CDS1: variants seen among roughly 807,000 people sequenced by gnomAD.
The protein encoded by CDS1 is CDP-diacylglycerol synthase 1.
In CDS1, 41 loss-of-function variants were observed where a neutral mutation model predicts 62.1. That is an observed-to-expected ratio of 0.66 (90% confidence interval 0.51 to 0.86). The LOEUF (loss-of-function observed/expected upper bound fraction) is 0.86, where lower values mean the gene tolerates loss of function less well. Ranked by LOEUF, CDS1 falls within the 40% of genes least tolerant of loss-of-function variation. CDS1 has a pLI of 0.00. For synonymous variants in CDS1, 185 were observed against 192.6 expected (o/e 0.96, Z 0.32); for missense variants, 470 against 550.1 (o/e 0.85, Z 1.46).
At chr4:84,636,305 A>G (rs1397716110) in intron 8 of CDS1, among the ~76,000 whole-genome samples, 1 of 152,168 alleles carries the variant, frequency 6.6e-6, no homozygotes, top group African/African-American at 2.4e-5. Flanking sequence ...ATAAAATACT[A>G]ATAAAATACA....
intron 1 of CDS1, among the ~76,000 whole-genome samples, chr4:84,595,615 A>G (rs1381748112): frequency 1.3e-5 from 2 of 152,242 alleles, no homozygotes; most frequent in African/African-American, 4.8e-5. Flanking sequence ...GGCCAACCGT[A>G]CTTGTTTCTC....
intron 1 of CDS1, among the ~76,000 whole-genome samples, chr4:84,594,607 C>T (rs1319707591): frequency 6.6e-6 from 1 of 152,026 alleles, no homozygotes; most frequent in African/African-American, 2.4e-5. Flanking sequence ...TCCTGAGTCT[C>T]AATATTAGTT....
intron 5 of CDS1, among the ~76,000 whole-genome samples, chr4:84,621,159 A>AT (rs1022509288): frequency 1.3e-5 from 2 of 152,034 alleles, no homozygotes; most frequent in African/African-American, 4.8e-5. Flanking sequence ...CACTACTTAA[A>AT]TTTTTTTTAT....
At chr4:84,610,819 C>A (rs2110053765) in intron 3 of CDS1, among the ~76,000 whole-genome samples, 1 of 152,202 alleles carries the variant, frequency 6.6e-6, no homozygotes, top group South Asian at 2.1e-4. Flanking sequence ...ATAGGCTATA[C>A]CATATAGACT....
chr4:84,584,010 T>C (rs575266328), intron 1 of CDS1, among the ~76,000 whole-genome samples: 2 of 152,290 alleles, frequency 1.3e-5, no homozygotes, highest in South Asian at 4.1e-4. Flanking sequence ...ACTTACATTT[T>C]CTCCATCCTT....
chr4:84,586,413 G>T (rs1246212356), intron 1 of CDS1, among the ~76,000 whole-genome samples: 1 of 152,220 alleles, frequency 6.6e-6, no homozygotes, highest in Non-Finnish European at 1.5e-5. Flanking sequence ...ATGGGAGACA[G>T]TGACAGATCA....
At chr4:84,608,037 G>A (rs562330404) in intron 2 of CDS1, among the ~76,000 whole-genome samples, 6 of 152,270 alleles carry the variant, frequency 3.9e-5, no homozygotes, top group East Asian at 3.9e-4. Context: ...GGCTTGTGGC[G>A]GTGGTGGGGT....
intron 3 of CDS1, among the ~76,000 whole-genome samples, chr4:84,616,946 G>A (rs1723514884): frequency 6.6e-6 from 1 of 152,218 alleles, no homozygotes; most frequent in African/African-American, 2.4e-5. Flanking sequence ...GGCTGCAAAT[G>A]TGGAAGGTTG....
chr4:84,586,253 A>C (rs1305596284), intron 1 of CDS1, among the ~76,000 whole-genome samples: 1 of 152,172 alleles, frequency 6.6e-6, no homozygotes, highest in Non-Finnish European at 1.5e-5. Flanking sequence ...TTTCAGGATG[A>C]TTCAGGTACA....
chr4:84,641,109 T>A, intron 10 of CDS1, 119 bp downstream of exon 10: 1 of 650,596 alleles, frequency 1.5e-6, no homozygotes, highest in Non-Finnish European at 2.2e-6. Context: ...AGAGTTTCCC[T>A]CTGTTGCCCA....
chr4:84,613,977 A>G (rs1723411910), intron 3 of CDS1, among the ~76,000 whole-genome samples: 2 of 152,260 alleles, frequency 1.3e-5, no homozygotes, highest in African/African-American at 4.8e-5. Flanking sequence ...TTCCAACCCT[A>G]TTGTTAACCA....
intron 1 of CDS1, among the ~76,000 whole-genome samples, chr4:84,588,630 G>T (rs1401818300): frequency 6.6e-6 from 1 of 152,124 alleles, no homozygotes; most frequent in East Asian, 1.9e-4. Context: ...AATTGCAGGG[G>T]TATGGAAAAT....
intron 5 of CDS1, among the ~76,000 whole-genome samples, chr4:84,627,016 A>G (rs777532924): frequency 6.6e-6 from 1 of 152,212 alleles, no homozygotes; most frequent in East Asian, 1.9e-4. Flanking sequence ...AAAGTATGCT[A>G]ACATTGAGAT....
rs1275451472 is a variant in CDS1, at chr4:84,620,787, G to A, written c.580+1254G>A. Among the ~76,000 whole-genome samples the A allele has an allele frequency of 2.0e-5, 3 of 151,858 alleles. No homozygotes were observed. In the East Asian group the frequency reaches 5.9e-4, roughly 30 times the overall value. On this transcript the variant is annotated intron_variant, in intron 5 of 12. Coordinates refer to ENST00000295887, the MANE Select transcript of CDS1 (RefSeq NM_001263.4). ...AAACAGTGAGATATTTGGGCTGGGC[G>A]TGGTGGCTCATGCCTGTAATCCCAG...
intron 5 of CDS1, among the ~76,000 whole-genome samples, chr4:84,621,041 CAA>C (rs1368423118): frequency 1.3e-5 from 2 of 152,204 alleles, no homozygotes; most frequent in Admixed American, 6.5e-5. Context: ...GCCTGGGCAA[CAA>C]GAGGGAACCT....
intron 7 of CDS1, among the ~76,000 whole-genome samples, chr4:84,634,232 AAGAC>A (rs1241054768): frequency 1.3e-5 from 2 of 152,176 alleles, no homozygotes; most frequent in South Asian, 2.1e-4. Context: ...CTTTTCACAA[AAGAC>A]AGACTTTAAA....
chr4:84,615,373 C>T (rs1723456127), intron 3 of CDS1, among the ~76,000 whole-genome samples: 1 of 152,082 alleles, frequency 6.6e-6, no homozygotes, highest in Non-Finnish European at 1.5e-5. Context: ...CTCCCAAACT[C>T]TCATGTCCAG....
At chr4:84,623,781 G>T (rs1428773243) in intron 5 of CDS1, among the ~76,000 whole-genome samples, 1 of 152,140 alleles carries the variant, frequency 6.6e-6, no homozygotes, top group Non-Finnish European at 1.5e-5. Context: ...CTCTCACGTG[G>T]TTGCCATGAG....
At chr4:84,606,628 T>C (rs150013202) in intron 2 of CDS1, among the ~76,000 whole-genome samples, 154 of 152,276 alleles carry the variant, frequency 1.0e-3, no homozygotes, top group Admixed American at 1.1e-3. Flanking sequence ...CCATTAATTA[T>C]TTCCTTAGGA....
Sources: gnomAD v4.1 joint callset for allele counts (sites outside exome capture counted in the v4.1 genomes callset) on GRCh38, gnomAD v4.1.1 for gene constraint, MANE v1.5 for transcripts, NCBI Gene and HGNC (gene_info 2026-07-23, HGNC 2026-07-21) for gene names.